Variants in MAPK8 observed in about 807,000 individuals in gnomAD.
MAPK8 encodes the protein mitogen-activated protein kinase 8.
A neutral mutation model predicts 52.9 loss-of-function variants in MAPK8; 13 were observed. The ratio of observed to expected loss-of-function variants is 0.25; its 90% CI spans 0.16 to 0.39. The LOEUF is 0.39. Among genes scored for constraint, MAPK8 ranks in the 10% least tolerant of loss-of-function variants. The pLI is 1.00. For synonymous variants in MAPK8, 191 were observed against 169.8 expected, an observed-to-expected ratio of 1.12 and a Z score of -0.97; for missense variants, 300 against 519.2, an observed-to-expected ratio of 0.58 and a Z score of 4.10.
chr10:48,326,777 C>T (rs1330123058), intron 1 of MAPK8, among the ~76,000 whole-genome samples: 2 of 152,144 alleles, frequency 1.3e-5, no homozygotes, highest in South Asian at 2.1e-4. Flanking sequence ...CATTCCTGGT[C>T]CTCCCGTTAC....
intron 1 of MAPK8, among the ~76,000 whole-genome samples, chr10:48,321,300 G>T (rs1214151224): frequency 1.3e-5 from 2 of 151,838 alleles, no homozygotes; most frequent in African/African-American, 4.8e-5. Context: ...TGCCGCCTAG[G>T]TGCTGTAACT....
intron 1 of MAPK8, among the ~76,000 whole-genome samples, chr10:48,372,904 C>G (rs912269501): frequency 1.3e-5 from 2 of 151,948 alleles, no homozygotes; most frequent in Non-Finnish European, 2.9e-5. Context: ...AGATATTCCT[C>G]GAGAAGAGCA....
At chr10:48,335,012 G>A (rs1238150243) in intron 1 of MAPK8, among the ~76,000 whole-genome samples, 4 of 152,042 alleles carry the variant, frequency 2.6e-5, no homozygotes, top group Non-Finnish European at 5.9e-5. Flanking sequence ...TCGATTTTCC[G>A]ATAGCAAAAC....
Position 48,356,817 on chromosome 10 carries a change from G to A in MAPK8, c.-49-44795G>A, listed in dbSNP as rs1034475470. ...AATTTGCACCACTACACTCCAGCCT[G>A]GGTGACAGAGTGAGACTCCGTCTCA... On this transcript the variant is annotated intron_variant, in intron 1 of 11. Coordinates refer to ENST00000374189, the MANE Select transcript of MAPK8 (RefSeq NM_001323329.2). 2.7e-5 allele frequency among the ~76,000 whole-genome samples: 3 copies of A among 111,850 alleles called. No individual in the cohort carries two copies. The East Asian group carries it at 8.9e-4, about 33-fold the overall frequency. 73.4% of individuals were successfully genotyped at this position (111,850 alleles called of 152,430 possible).
intron 1 of MAPK8, among the ~76,000 whole-genome samples, chr10:48,317,848 G>T (rs1034778337): frequency 2.0e-5 from 3 of 152,158 alleles, no homozygotes; most frequent in Admixed American, 2.0e-4. Flanking sequence ...GGAGTTTGGG[G>T]AGTTTGAAGC....
chr10:48,378,462 C>G (rs1250755249), intron 1 of MAPK8, among the ~76,000 whole-genome samples: 2 of 152,010 alleles, frequency 1.3e-5, no homozygotes, highest in African/African-American at 4.8e-5. Context: ...CACACATTGA[C>G]TACAATCAAA....
intron 2 of MAPK8, among the ~76,000 whole-genome samples, chr10:48,403,674 A>T (rs930669306): frequency 1.3e-5 from 2 of 152,032 alleles, no homozygotes; most frequent in African/African-American, 4.8e-5. Context: ...AAAGAAAATC[A>T]TATTATATAG....
intron 6 of MAPK8, among the ~76,000 whole-genome samples, chr10:48,423,070 C>G (rs1451940873): frequency 6.6e-6 from 1 of 152,180 alleles, no homozygotes; most frequent in Non-Finnish European, 1.5e-5. Context: ...TCATTCTTCC[C>G]TCTTTTCCTG....
chr10:48,342,378 T>TA (rs1241380754), intron 1 of MAPK8, among the ~76,000 whole-genome samples: 4 of 152,184 alleles, frequency 2.6e-5, no homozygotes, highest in African/African-American at 7.2e-5. Flanking sequence ...ATGTTGGAAT[T>TA]ACAGCCATGA....
chr10:48,329,408 GAGC>G (rs1399682155), intron 1 of MAPK8, among the ~76,000 whole-genome samples: 2 of 152,096 alleles, frequency 1.3e-5, no homozygotes, highest in African/African-American at 4.8e-5. Flanking sequence ...GAAGAATTCA[GAGC>G]GGTGTATTGC....
At chr10:48,314,580 G>A (rs1342507754) in intron 1 of MAPK8, among the ~76,000 whole-genome samples, 4 of 152,166 alleles carry the variant, frequency 2.6e-5, no homozygotes, top group Non-Finnish European at 5.9e-5. Flanking sequence ...CTAGGCCAGC[G>A]TATGTGCATT....
chr10:48,421,071 G>A (rs1184561753), intron 6 of MAPK8, among the ~76,000 whole-genome samples: 5 of 152,068 alleles, frequency 3.3e-5, no homozygotes, highest in African/African-American at 4.8e-5. Context: ...ATAAACCATC[G>A]TTTTAAAAAA....
At chr10:48,357,803 A>G (rs1042144071) in intron 1 of MAPK8, among the ~76,000 whole-genome samples, 2 of 152,196 alleles carry the variant, frequency 1.3e-5, no homozygotes, top group African/African-American at 4.8e-5. Flanking sequence ...GTATAGTTCC[A>G]GGACATTTTC....
At chr10:48,397,861 GA>G (rs1229988659) in intron 1 of MAPK8, among the ~76,000 whole-genome samples, 1 of 152,156 alleles carries the variant, frequency 6.6e-6, no homozygotes, top group Non-Finnish European at 1.5e-5. Context: ...AAAGTGCTAG[GA>G]TTACAGGAGT....
chr10:48,378,480 T>C (rs2040802759), intron 1 of MAPK8, among the ~76,000 whole-genome samples: 1 of 152,052 alleles, frequency 6.6e-6, no homozygotes, highest in South Asian at 2.1e-4. Flanking sequence ...AAAAAGTGAA[T>C]TTACATGTCA....
At chr10:48,321,431 A>ATT (rs1842990249) in intron 1 of MAPK8, among the ~76,000 whole-genome samples, 1 of 152,160 alleles carries the variant, frequency 6.6e-6, no homozygotes, top group Admixed American at 6.5e-5. Flanking sequence ...TAACAGATGT[A>ATT]TGGTTTATAA....
chr10:48,357,265 A>C (rs1188452802), intron 1 of MAPK8, among the ~76,000 whole-genome samples: 1 of 152,142 alleles, frequency 6.6e-6, no homozygotes, highest in African/African-American at 2.4e-5. Context: ...CCTGTTTTTC[A>C]CCACTCATAA....
intron 1 of MAPK8, among the ~76,000 whole-genome samples, chr10:48,319,493 CTT>C (rs1029520529): frequency 1.3e-5 from 2 of 151,972 alleles, no homozygotes; most frequent in Non-Finnish European, 2.9e-5. Flanking sequence ...CTGGCTATCT[CTT>C]TTTTATTTTT....
At chr10:48,432,008 A>C (rs12358297) in intron 11 of MAPK8, among the ~76,000 whole-genome samples, 26,029 of 152,142 alleles carry the variant, frequency 0.17, 2,760 homozygotes, top group South Asian at 0.29. Flanking sequence ...TAAGATTCCA[A>C]ATCTATTATG....
Sources: gnomAD v4.1 joint callset for allele counts (sites outside exome capture counted in the v4.1 genomes callset) on GRCh38, gnomAD v4.1.1 for gene constraint, MANE v1.5 for transcripts, NCBI Gene and HGNC (gene_info 2026-07-23, HGNC 2026-07-21) for gene names.